The following MAD1L1 variants were observed in gnomAD, a reference collection of about 807,000 sequenced individuals.
MAD1L1 encodes the protein mitotic arrest deficient 1 like 1, also known as mitotic spindle assembly checkpoint protein MAD1.
In MAD1L1, 95 loss-of-function variants were observed where a neutral mutation model predicts 96.9. The ratio of observed to expected loss-of-function variants is 0.98; its 90% CI spans 0.83 to 1.16. The LOEUF (loss-of-function observed/expected upper bound fraction) is 1.16, where lower values mean the gene tolerates loss of function less well. MAD1L1 is among the 50% of genes most tolerant of loss of function. The pLI, the probability that MAD1L1 is intolerant of heterozygous loss-of-function variation, is 0.00. For missense variants in MAD1L1, 1,007 were observed against 954.4 expected, an observed-to-expected ratio of 1.06 and a Z score of -0.73; for synonymous variants, 473 against 396.6, an observed-to-expected ratio of 1.19 and a Z score of -2.29.
At chr7:1,936,441 C>G (rs1198594255) in intron 17 of MAD1L1, among the ~76,000 whole-genome samples, 1 of 152,202 alleles carries the variant, frequency 6.6e-6, no homozygotes, top group African/African-American at 2.4e-5. Context: ...AAATTTCAGC[C>G]CCTTGCTTCT....
chr7:2,135,461 T>A (rs1485983652), intron 11 of MAD1L1, among the ~76,000 whole-genome samples: 1 of 152,280 alleles, frequency 6.6e-6, no homozygotes, highest in African/African-American at 2.4e-5. Context: ...AATGAGATTA[T>A]AAATATAATT....
At chr7:1,888,385 C>T (rs1488947458) in intron 18 of MAD1L1, among the ~76,000 whole-genome samples, 38 of 94,178 alleles carry the variant, frequency 4.0e-4, no homozygotes, top group African/African-American at 1.1e-3. Flanking sequence ...GCTGCCTATG[C>T]GTGTGTGTGC....
At chr7:1,898,171 G>A (rs765439194) in intron 18 of MAD1L1, 29 bp downstream of exon 18, 2 of 1,573,972 alleles carry the variant, frequency 1.3e-6, no homozygotes, top group Non-Finnish European at 8.6e-7. Context: ...GAGCGAGACA[G>A]CCGGAGAGCC....
chr7:2,223,058 G>A (rs1793695049), intron 4 of MAD1L1, among the ~76,000 whole-genome samples: 1 of 152,200 alleles, frequency 6.6e-6, no homozygotes, highest in South Asian at 2.1e-4. Context: ...CAGGGAGAGG[G>A]GGCATGGGAA....
intron 10 of MAD1L1, among the ~76,000 whole-genome samples, chr7:2,211,056 C>G (rs1002013020): frequency 2.0e-5 from 3 of 152,206 alleles, no homozygotes; most frequent in Non-Finnish European, 2.9e-5. Context: ...AGCCTTGAAT[C>G]CAGCCTCCGA....
chr7:2,041,776 A>G (rs957110428), intron 12 of MAD1L1, among the ~76,000 whole-genome samples: 1 of 152,208 alleles, frequency 6.6e-6, no homozygotes, highest in African/African-American at 2.4e-5. Flanking sequence ...AGAAAACTCC[A>G]CAAGACAGTC....
rs541826802 is a variant in MAD1L1 at position 1,895,971 on chromosome 7, G to A, written c.1998+2229C>T. On this transcript the variant is annotated intron_variant, in intron 18 of 18. Coordinates refer to ENST00000265854, the MANE Select transcript of MAD1L1 (RefSeq NM_001013836.2). ...CCAGATCACAAGAGTCTAGGAAGGC[G>A]GGCAGGATGCCTGGCAAGAGCTGCG... Among the ~76,000 whole-genome samples, 5 of 152,372 alleles carry A rather than the reference G, an allele frequency of 3.3e-5. No individual in the cohort carries two copies. The East Asian group carries it at 7.7e-4, about 24-fold the overall frequency.
At chr7:2,166,322 C>A (rs975397405) in intron 10 of MAD1L1, among the ~76,000 whole-genome samples, 7 of 152,144 alleles carry the variant, frequency 4.6e-5, no homozygotes, top group Non-Finnish European at 1.0e-4. Context: ...TGAAGAAATG[C>A]CGGCTTTACA....
chr7:1,832,428 A>T (rs189051080), intron 18 of MAD1L1, among the ~76,000 whole-genome samples: 15 of 150,812 alleles, frequency 9.9e-5, no homozygotes, highest in African/African-American at 3.4e-4. Flanking sequence ...AAATGCTGTG[A>T]ACATTGTTGA....
At chr7:2,137,281 G>A (rs1352030865) in intron 11 of MAD1L1, among the ~76,000 whole-genome samples, 1 of 152,240 alleles carries the variant, frequency 6.6e-6, no homozygotes, top group African/African-American at 2.4e-5. Flanking sequence ...CCAAATGTTT[G>A]AGGAAATCTA....
intron 14 of MAD1L1, among the ~76,000 whole-genome samples, chr7:1,984,929 T>C (rs1027305669): frequency 4.6e-5 from 7 of 152,240 alleles, no homozygotes; most frequent in Non-Finnish European, 8.8e-5. Context: ...AAAGTGTGCA[T>C]GTTTTACCCT....
intron 10 of MAD1L1, among the ~76,000 whole-genome samples, chr7:2,205,593 G>A (rs1471507650): frequency 2.0e-5 from 3 of 151,982 alleles, no homozygotes; most frequent in East Asian, 1.9e-4. Context: ...TCAAGCCCTC[G>A]CCTCCTAATT....
At chr7:1,962,485 T>A (rs1010215891) in intron 15 of MAD1L1, among the ~76,000 whole-genome samples, 21 of 152,278 alleles carry the variant, frequency 1.4e-4, no homozygotes, top group Admixed American at 1.4e-3. Context: ...AAACTTCTCT[T>A]CAAAATACCT....
At chr7:1,987,884 G>A (rs1781229552) in intron 14 of MAD1L1, among the ~76,000 whole-genome samples, 1 of 152,156 alleles carries the variant, frequency 6.6e-6, no homozygotes, top group African/African-American at 2.4e-5. Context: ...ACCTGTCCCT[G>A]GGTGGGAAAC....
intron 18 of MAD1L1, among the ~76,000 whole-genome samples, chr7:1,885,552 G>A (rs1338649680): frequency 6.6e-6 from 1 of 152,172 alleles, no homozygotes; most frequent in African/African-American, 2.4e-5. Context: ...ACGTGGAGCT[G>A]TCCCACGGTG....
At chr7:2,156,870 G>T (rs1178155318) in intron 10 of MAD1L1, among the ~76,000 whole-genome samples, 2 of 149,746 alleles carry the variant, frequency 1.3e-5, no homozygotes, top group Non-Finnish European at 3.0e-5. Flanking sequence ...AGAAAAGAAA[G>T]AAATAGGGGA....
At chr7:2,066,200 C>T (rs1332849110) in intron 12 of MAD1L1, among the ~76,000 whole-genome samples, 1 of 152,226 alleles carries the variant, frequency 6.6e-6, no homozygotes, top group East Asian at 1.9e-4. Context: ...GGCCCAGAGC[C>T]CCCACCAGCC....
chr7:1,874,537 G>A (rs1785276695), intron 18 of MAD1L1: 1 of 455,294 alleles, frequency 2.2e-6, no homozygotes, highest in African/African-American at 2.0e-5. Flanking sequence ...GTGGCTGAGT[G>A]CGGCTTCCTT....
chr7:2,013,464 C>G (rs879936123), intron 13 of MAD1L1, among the ~76,000 whole-genome samples: 3 of 152,240 alleles, frequency 2.0e-5, no homozygotes, highest in Admixed American at 6.5e-5. Context: ...GTGTCACACA[C>G]CAGCTCGGTG....
Sources: gnomAD v4.1 joint callset for allele counts (sites outside exome capture counted in the v4.1 genomes callset) on GRCh38, gnomAD v4.1.1 for gene constraint, MANE v1.5 for transcripts, NCBI Gene and HGNC (gene_info 2026-07-23, HGNC 2026-07-21) for gene names.